UNC13C: variants seen among roughly 807,000 people sequenced by gnomAD.
UNC13C encodes the protein unc-13 homolog C.
UNC13C carries 174 observed loss-of-function variants against 245.4 expected under a neutral mutation model. That is an observed-to-expected ratio of 0.71 (90% CI 0.63 to 0.80). UNC13C has a LOEUF of 0.80. Among genes scored for constraint, UNC13C ranks in the 30% least tolerant of loss-of-function variants. The probability of loss-of-function intolerance (pLI) is 0.00; values close to 1 mark genes in which losing one functional copy is unlikely to be tolerated. For missense variants in UNC13C, 2,829 were observed against 2,602.9 expected (o/e 1.09, Z -1.89); for synonymous variants, 992 against 895.1 (o/e 1.11, Z -1.93).
At chr15:53,875,736 T>C in the UNC13C span, among the ~76,000 whole-genome samples, 1 of 152,206 alleles carries the variant, frequency 6.6e-6, no homozygotes, top group Admixed American at 6.5e-5. Context: ...GCAATAGTTT[T>C]ATGGTGTGCA....
chr15:54,230,103 C>CATAT (rs58727373), intron 4 of UNC13C, among the ~76,000 whole-genome samples: 2 of 51,940 alleles, frequency 3.9e-5, no homozygotes, highest in African/African-American at 1.5e-4. Context: ...TATTTTTTCA[C>CATAT]TGTTGGTAGG....
chr15:54,235,196 C>A, intron 5 of UNC13C, 88 bp downstream of exon 5: 2 of 1,094,630 alleles, frequency 1.8e-6, no homozygotes, highest in Non-Finnish European at 2.7e-6. Flanking sequence ...CACTGTCTAG[C>A]CTGTAAATAT....
intron 30 of UNC13C, among the ~76,000 whole-genome samples, chr15:54,590,627 T>G (rs6493691): frequency 6.6e-6 from 1 of 152,178 alleles, no homozygotes; most frequent in African/African-American, 2.4e-5. Flanking sequence ...GCTACTGATT[T>G]GTGTACATTA....
chr15:54,078,586 G>T (rs1043578806), intron 2 of UNC13C, among the ~76,000 whole-genome samples: 1 of 152,014 alleles, frequency 6.6e-6, no homozygotes, highest in Non-Finnish European at 1.5e-5. Context: ...TAGTGATGTC[G>T]AGCATTTTCT....
intron 2 of UNC13C, among the ~76,000 whole-genome samples, chr15:54,089,526 C>T (rs921342232): frequency 3.3e-5 from 5 of 152,052 alleles, no homozygotes; most frequent in African/African-American, 7.2e-5. Flanking sequence ...TGTCTGTCAT[C>T]GTATGTGCAT....
In UNC13C at chr15:54,220,204, T is replaced by C. The variant is rs60149619; in HGVS notation, c.3072-14826T>C. On this transcript the variant is annotated intron_variant, in intron 4 of 32. Coordinates refer to ENST00000260323, the MANE Select transcript of UNC13C (RefSeq NM_001080534.3). ...AAGACTTGGAACCAACCCAAATGTC[T>C]AACAATGATAGACTGGATTAAGAAA... Among the ~76,000 whole-genome samples the C allele has an allele frequency of 2.1e-4, 32 of 150,620 alleles. No individual in the cohort carries two copies. In the East Asian group the frequency reaches 3.7e-3, roughly 17 times the overall value.
At chr15:53,956,087 A>G in the UNC13C span, among the ~76,000 whole-genome samples, 1 of 152,222 alleles carries the variant, frequency 6.6e-6, no homozygotes, top group Non-Finnish European at 1.5e-5. Context: ...AGAAAAACAA[A>G]CACCACATGT....
At chr15:54,313,228 T>C (rs1012262787) in intron 13 of UNC13C, among the ~76,000 whole-genome samples, 1 of 151,836 alleles carries the variant, frequency 6.6e-6, no homozygotes, top group African/African-American at 2.4e-5. Flanking sequence ...GTTATTACAG[T>C]GTTAACTGCT....
At chr15:54,158,389 C>A (rs1320016599) in intron 4 of UNC13C, among the ~76,000 whole-genome samples, 1 of 151,920 alleles carries the variant, frequency 6.6e-6, no homozygotes, top group African/African-American at 2.4e-5. Flanking sequence ...AGTACAGTGG[C>A]CCAATCTCTG....
chr15:54,622,094 T>C (rs1388398337), intron 30 of UNC13C, among the ~76,000 whole-genome samples: 1 of 152,178 alleles, frequency 6.6e-6, no homozygotes, highest in African/African-American at 2.4e-5. Flanking sequence ...CAGAATGTCT[T>C]AGGATTTCTG....
chr15:54,142,979 A>G (rs2032091707), intron 2 of UNC13C, 39 bp from the exon 3 acceptor site: 3 of 1,593,934 alleles, frequency 1.9e-6, no homozygotes, highest in African/African-American at 1.3e-5. Context: ...AAAGTACTCC[A>G]TCTAACATTT....
chr15:53,848,047 C>G, the UNC13C span, among the ~76,000 whole-genome samples: 1 of 152,058 alleles, frequency 6.6e-6, no homozygotes, highest in Non-Finnish European at 1.5e-5. Flanking sequence ...TGTAGGATGT[C>G]TAGTGATGTT....
At chr15:54,619,649 TA>T (rs1348774766) in intron 30 of UNC13C, among the ~76,000 whole-genome samples, 1 of 152,148 alleles carries the variant, frequency 6.6e-6, no homozygotes, top group Non-Finnish European at 1.5e-5. Context: ...ACACATTTAA[TA>T]TACCATGGTA....
chr15:53,931,167 TTATG>T, the UNC13C span, among the ~76,000 whole-genome samples: 1 of 152,000 alleles, frequency 6.6e-6, no homozygotes, highest in Non-Finnish European at 1.5e-5. Flanking sequence ...TTTTATTTAT[TTATG>T]TATTTATTTA....
chr15:54,142,467 T>C (rs1006317984), intron 2 of UNC13C, among the ~76,000 whole-genome samples: 1 of 152,204 alleles, frequency 6.6e-6, no homozygotes, highest in Admixed American at 6.5e-5. Context: ...TAAGATGGAA[T>C]CAACTTAATC....
At chr15:54,030,396 A>G (rs1595738838) in intron 2 of UNC13C, among the ~76,000 whole-genome samples, 1 of 152,208 alleles carries the variant, frequency 6.6e-6, no homozygotes, top group African/African-American at 2.4e-5. Context: ...TGTGAACAAT[A>G]TAAAGGTAAC....
chr15:54,321,611 C>T (rs1054153088), intron 13 of UNC13C: 6 of 363,322 alleles, frequency 1.7e-5, no homozygotes, highest in Non-Finnish European at 3.1e-5. Context: ...AAAGCTTAAC[C>T]CTCTGATGCA....
chr15:54,027,571 A>G (rs767455628), intron 2 of UNC13C, among the ~76,000 whole-genome samples: 2 of 151,990 alleles, frequency 1.3e-5, no homozygotes, highest in Non-Finnish European at 2.9e-5. Context: ...GGGTTTTATC[A>G]TGTTGGCCAG....
the UNC13C span, among the ~76,000 whole-genome samples, chr15:53,953,942 G>A: frequency 6.6e-6 from 1 of 152,212 alleles, no homozygotes; most frequent in African/African-American, 2.4e-5. Flanking sequence ...GACTTCCATG[G>A]TGACTGTAAG....
Sources: allele counts gnomAD v4.1 joint callset (sites outside exome capture counted in the v4.1 genomes callset), GRCh38; gene constraint gnomAD v4.1.1; transcripts MANE v1.5; gene names NCBI Gene and HGNC (gene_info 2026-07-23, HGNC 2026-07-21).